AUTS2: variants seen among roughly 807,000 people sequenced by gnomAD.
The protein encoded by AUTS2 is activator of transcription and developmental regulator AUTS2.
AUTS2 carries 17 observed loss-of-function variants against 112.4 expected under a neutral mutation model. That is an observed-to-expected ratio of 0.15 (90% CI 0.10 to 0.23). AUTS2 has a LOEUF of 0.23. AUTS2 is among the 10% of genes least tolerant of loss of function. The pLI is 1.00. For synonymous variants in AUTS2, 751 were observed against 702.7 expected (o/e 1.07, Z -1.09); for missense variants, 1,510 against 1,701.6 (o/e 0.89, Z 1.98).
chr7:69,939,354 T>C (rs952513788), intron 2 of AUTS2, among the ~76,000 whole-genome samples: 1 of 152,194 alleles, frequency 6.6e-6, no homozygotes, highest in Non-Finnish European at 1.5e-5. Context: ...ACTATTCTTA[T>C]TTCCAAAATG....
chr7:69,622,490 G>C (rs1030048368), intron 1 of AUTS2, among the ~76,000 whole-genome samples: 4 of 152,162 alleles, frequency 2.6e-5, no homozygotes, highest in Non-Finnish European at 5.9e-5. Flanking sequence ...GTTTTTAGCT[G>C]AATGAATGAC....
Position 70,626,747 on chromosome 7 carries a change from C to A in AUTS2, c.691-71822C>A, listed in dbSNP as rs1484118533. Reference sequence around the variant, plus strand: ...CTACCCAGTGGTTAGCCCCCACTTACAAATGACAGCATTCAGTATTTGGTT... The same window carrying A: ...CTACCCAGTGGTTAGCCCCCACTTAAAAATGACAGCATTCAGTATTTGGTT... On this transcript the variant is annotated intron_variant, in intron 5 of 18. Coordinates refer to ENST00000342771, the MANE Select transcript of AUTS2 (RefSeq NM_015570.4). 2.6e-5 allele frequency among the ~76,000 whole-genome samples: 4 copies of A among 152,190 alleles called. No individual in the cohort carries two copies. The East Asian group carries it at 7.7e-4, about 29-fold the overall frequency.
intron 1 of AUTS2, among the ~76,000 whole-genome samples, chr7:69,634,362 C>T (rs1016795128): frequency 3.2e-4 from 49 of 151,974 alleles, no homozygotes; most frequent in East Asian, 2.3e-3. Context: ...CCTCGTGATC[C>T]GCCCGCCTCG....
chr7:70,003,624 G>A (rs190651969), intron 2 of AUTS2, among the ~76,000 whole-genome samples: 13,170 of 73,770 alleles, frequency 0.18, 1,199 homozygotes, highest in Middle Eastern at 0.3. Flanking sequence ...TTATATATGA[G>A]TATCTATAAT....
At chr7:70,662,455 A>T (rs1371956842) in intron 5 of AUTS2, among the ~76,000 whole-genome samples, 1 of 152,178 alleles carries the variant, frequency 6.6e-6, no homozygotes, top group Admixed American at 6.5e-5. Context: ...CTGCAGGATA[A>T]TGTGTGGGCA....
intron 4 of AUTS2, among the ~76,000 whole-genome samples, chr7:70,210,857 G>C (rs1462934863): frequency 6.6e-6 from 1 of 152,162 alleles, no homozygotes; most frequent in Non-Finnish European, 1.5e-5. Context: ...ATGCATCGTT[G>C]CATGGCAAAC....
chr7:70,542,145 G>A (rs563769228), intron 5 of AUTS2, among the ~76,000 whole-genome samples: 3 of 152,072 alleles, frequency 2.0e-5, no homozygotes, highest in South Asian at 4.2e-4. Flanking sequence ...GACCTGTTCT[G>A]TCTATGTCAT....
At chr7:70,266,949 C>T (rs1477482720) in intron 4 of AUTS2, among the ~76,000 whole-genome samples, 5 of 152,224 alleles carry the variant, frequency 3.3e-5, no homozygotes, top group Admixed American at 3.3e-4. Context: ...CAGATTGCCT[C>T]CTTGTCTGAA....
At chr7:69,608,482 A>T (rs1792854256) in intron 1 of AUTS2, among the ~76,000 whole-genome samples, 1 of 152,206 alleles carries the variant, frequency 6.6e-6, no homozygotes, top group Non-Finnish European at 1.5e-5. Context: ...CTTAGTTGTT[A>T]TGTTGAAGTA....
intron 1 of AUTS2, among the ~76,000 whole-genome samples, chr7:69,702,603 G>A (rs890364058): frequency 6.6e-6 from 1 of 152,108 alleles, no homozygotes; most frequent in Admixed American, 6.5e-5. Context: ...GCACTTGTGG[G>A]GTGATTTCTA....
intron 2 of AUTS2, among the ~76,000 whole-genome samples, chr7:70,009,158 A>G (rs1420689456): frequency 6.6e-6 from 1 of 152,090 alleles, no homozygotes; most frequent in East Asian, 1.9e-4. Context: ...GAAGGTGGAA[A>G]AGCAAGAGAG....
At chr7:70,585,461 T>C (rs1016546701) in intron 5 of AUTS2, among the ~76,000 whole-genome samples, 3 of 152,192 alleles carry the variant, frequency 2.0e-5, no homozygotes, top group Admixed American at 6.5e-5. Flanking sequence ...ATTAATGACT[T>C]TTCTGCCAAA....
intron 1 of AUTS2, among the ~76,000 whole-genome samples, chr7:69,745,325 T>TTTACCTTTGTCAC (rs1291185246): frequency 2.6e-5 from 4 of 152,194 alleles, no homozygotes; most frequent in African/African-American, 9.6e-5. Context: ...ACTCAGACTA[T>TTTACCTTTGTCAC]TTACCTTTGT....
chr7:70,683,589 A>G (rs1388031415), intron 5 of AUTS2, among the ~76,000 whole-genome samples: 2 of 152,230 alleles, frequency 1.3e-5, no homozygotes, highest in African/African-American at 2.4e-5. Flanking sequence ...TCTTAGATCT[A>G]TGTTTCCATT....
chr7:70,507,519 G>C (rs890274471), intron 5 of AUTS2, among the ~76,000 whole-genome samples: 1 of 151,944 alleles, frequency 6.6e-6, no homozygotes, highest in Non-Finnish European at 1.5e-5. Flanking sequence ...AACTAAGGCC[G>C]GGCGCAGTGG....
intron 5 of AUTS2, among the ~76,000 whole-genome samples, chr7:70,635,970 C>T (rs1805515404): frequency 6.6e-6 from 1 of 152,192 alleles, no homozygotes; most frequent in African/African-American, 2.4e-5. Context: ...GTGTGTTTGC[C>T]TCTGGAGCAA....
intron 5 of AUTS2, among the ~76,000 whole-genome samples, chr7:70,679,827 G>C (rs954900969): frequency 6.6e-6 from 1 of 152,214 alleles, no homozygotes; most frequent in Non-Finnish European, 1.5e-5. Context: ...GAAGGCATGT[G>C]TATTTTGTTC....
At chr7:70,659,182 T>C (rs895777141) in intron 5 of AUTS2, among the ~76,000 whole-genome samples, 1 of 152,162 alleles carries the variant, frequency 6.6e-6, no homozygotes, top group Non-Finnish European at 1.5e-5. Flanking sequence ...GAGGTAGGCA[T>C]GGACAGTGAG....
At chr7:70,679,038 T>C (rs556797280) in intron 5 of AUTS2, among the ~76,000 whole-genome samples, 1 of 152,040 alleles carries the variant, frequency 6.6e-6, no homozygotes, top group Admixed American at 6.5e-5. Flanking sequence ...AGTAGATGAA[T>C]AAATAGACCC....
Sources: allele counts gnomAD v4.1 joint callset (sites outside exome capture counted in the v4.1 genomes callset), GRCh38; gene constraint gnomAD v4.1.1; transcripts MANE v1.5; gene names NCBI Gene and HGNC (gene_info 2026-07-23, HGNC 2026-07-21).